Variants in CTBP1 observed in about 807,000 individuals in gnomAD.
CTBP1 encodes C-terminal binding protein 1.
In CTBP1, 11 loss-of-function variants were observed where a neutral mutation model predicts 42.1. The observed-to-expected ratio is 0.26, with a 90% confidence interval of 0.16 to 0.43. The LOEUF is 0.43. Ranked by LOEUF, CTBP1 falls within the 20% of genes least tolerant of loss-of-function variation. The pLI is 1.00. For synonymous variants in CTBP1, 324 were observed against 277.1 expected (o/e 1.17, Z -1.68); for missense variants, 399 against 624.3 (o/e 0.64, Z 3.85).
chr4:1,244,340 G>T, intron 1 of CTBP1: 1 of 960,684 alleles, frequency 1.0e-6, no homozygotes, highest in Non-Finnish European at 1.2e-6. Context: ...CAGCCACAGT[G>T]GGTCTCTGGG....
intron 1 of CTBP1, among the ~76,000 whole-genome samples, chr4:1,247,999 A>C (rs929497239): frequency 2.1e-4 from 32 of 152,202 alleles, no homozygotes; most frequent in Admixed American, 2.1e-3. Flanking sequence ...GCGCCCTTGG[A>C]GGCCGCCAGA....
At chr4:1,225,244 GGACC>G in intron 5 of CTBP1, 112 bp downstream of exon 5, 1 of 1,262,792 alleles carries the variant, frequency 7.9e-7, no homozygotes, top group Non-Finnish European at 1.1e-6. Flanking sequence ...TCCTGGGTTG[GGACC>G]GACACCTGCA....
intron 5 of CTBP1, chr4:1,218,677 G>A (rs1193074760): frequency 6.6e-6 from 1 of 152,202 alleles, no homozygotes; most frequent in African/African-American, 2.4e-5. Context: ...GAGGGTGAGA[G>A]GAGCCACCGC....
At position 1,242,819 on chromosome 4, in the gene CTBP1, AG is replaced by A. The variant is rs1356104122; in HGVS notation, c.-188-1301del. 3.0e-6 allele frequency: 3 copies of A among 985,308 alleles called. No homozygotes were observed. The African/African-American group carries it at 5.2e-5, about 17-fold the overall frequency. 61.0% of individuals were successfully genotyped at this position (985,308 alleles called of 1,614,324 possible). A position where few individuals can be genotyped will look rare whatever the true frequency, so the allele number is the denominator to read the frequency against. ...CATAAAAACAAACTAAAAGGACAGG[AG>A]AAAACCGCCTAAATGTCACATTTCA... On this transcript the variant is annotated intron_variant, in intron 1 of 9. Transcript: ENST00000382952.
chr4:1,228,427 G>C (rs1210445616), intron 3 of CTBP1, 84 bp from the exon 4 acceptor site: 2 of 1,513,606 alleles, frequency 1.3e-6, no homozygotes, highest in Admixed American at 3.9e-5. Context: ...CCCCGGCTGG[G>C]AAATTAGCCT....
At chr4:1,220,685 C>G (rs1353699465) in intron 5 of CTBP1, among the ~76,000 whole-genome samples, 10 of 152,264 alleles carry the variant, frequency 6.6e-5, no homozygotes, top group Admixed American at 6.5e-4. Context: ...AGAGTCCAGA[C>G]GGACCCACTC....
At position 1,211,571 on chromosome 4, in the gene CTBP1, C is replaced by A. The variant is rs926283257; in HGVS notation, c.*669G>T. On this transcript the variant is annotated 3_prime_UTR_variant, in exon 10 of 10. Coordinates refer to ENST00000382952, the MANE Select transcript of CTBP1 (RefSeq NM_001012614.2). ...AGGACGGCACTGGTGCAGGCGGGGA[C>A]GCTGCCACCCTCCACGTCCCCAGGA... 6.6e-6 allele frequency: 1 copy of A among 152,392 alleles called. No individual in the cohort carries two copies. The highest frequency in any genetic ancestry group is 1.5e-5 in the Non-Finnish European group (1 of 68,030). 9.4% of individuals were successfully genotyped at this position (152,392 alleles called of 1,614,324 possible). A position where few individuals can be genotyped will look rare whatever the true frequency, so the allele number is the denominator to read the frequency against.
intron 1 of CTBP1, chr4:1,245,356 C>T: frequency 2.0e-6 from 2 of 985,434 alleles, no homozygotes; most frequent in Non-Finnish European, 2.4e-6. Flanking sequence ...AACCTGTGAG[C>T]TCCAGGAACC....
chr4:1,241,109 C>T (rs1313885254), intron 2 of CTBP1, among the ~76,000 whole-genome samples: 1 of 152,218 alleles, frequency 6.6e-6, no homozygotes, highest in Non-Finnish European at 1.5e-5. Flanking sequence ...ACAGGCCTGA[C>T]CACAGCTGTG....
chr4:1,213,631 T>C, intron 7 of CTBP1, 26 bp from the exon 8 acceptor site: 1 of 1,606,526 alleles, frequency 6.2e-7, no homozygotes. Context: ...GCATGGTCAG[T>C]GCAGCCTGAG....
At chr4:1,221,810 T>C in intron 5 of CTBP1, 1 of 444,504 alleles carries the variant, frequency 2.2e-6, no homozygotes, top group Non-Finnish European at 4.5e-6. Context: ...GTTCATGGGG[T>C]GAATGTGTAC....
intron 5 of CTBP1, chr4:1,223,415 C>T (rs1197463861): frequency 4.4e-6 from 2 of 455,676 alleles, no homozygotes; most frequent in Non-Finnish European, 8.8e-6. Context: ...CAACCTCTCC[C>T]ACTAACCTAG....
At chr4:1,216,582 G>T (rs1729141486) in intron 5 of CTBP1, 2 of 341,824 alleles carry the variant, frequency 5.9e-6, no homozygotes, top group African/African-American at 4.2e-5. Flanking sequence ...AGGCCCCTCC[G>T]CTGGCCTTTC....
At chr4:1,240,081 C>G (rs1732004776) in intron 2 of CTBP1, among the ~76,000 whole-genome samples, 1 of 152,258 alleles carries the variant, frequency 6.6e-6, no homozygotes. Flanking sequence ...AAGGCATGGA[C>G]ACACGGGATC....
intron 3 of CTBP1, among the ~76,000 whole-genome samples, chr4:1,232,571 T>A (rs1577056990): frequency 6.6e-6 from 1 of 152,148 alleles, no homozygotes; most frequent in South Asian, 2.1e-4. Flanking sequence ...CTCAGCCTCC[T>A]AAAGTGCTGG....
At chr4:1,213,861 G>A in intron 7 of CTBP1, 1 of 501,894 alleles carries the variant, frequency 2.0e-6, no homozygotes, top group Admixed American at 3.8e-5. Flanking sequence ...GAGGAGCCCT[G>A]ATGGGGGGAC....
At chr4:1,231,340 G>T (rs1730951055) in intron 3 of CTBP1, among the ~76,000 whole-genome samples, 1 of 152,218 alleles carries the variant, frequency 6.6e-6, no homozygotes, top group South Asian at 2.1e-4. Flanking sequence ...TGTCCCTTTA[G>T]ATCGGGGCCC....
Position 1,238,106 on chromosome 4 carries a change from G to A in CTBP1, c.162+77C>T, listed in dbSNP as rs548361722. 90 of 1,589,812 alleles carry A rather than the reference G, an allele frequency of 5.7e-5. 1 individual carries two copies. The African/African-American group carries it at 6.8e-4, about 12-fold the overall frequency. On this transcript the variant is annotated intron_variant, in intron 3 of 9. Coordinates refer to ENST00000382952, the MANE Select transcript of CTBP1 (RefSeq NM_001012614.2). This position sits in a 1 kb window ranked among gnomAD's most constrained non-coding sequence, Gnocchi z 5.9. ...GTGGCACCCAGACCTGCTGTGGCCC[G>A]GGCCTGCCGTGCTCCCGTCCCTCCA... is the stretch of plus-strand genomic sequence containing the variant.
intron 8 of CTBP1, 126 bp downstream of exon 8, chr4:1,213,352 G>A: frequency 6.8e-7 from 1 of 1,461,526 alleles, no homozygotes; most frequent in Non-Finnish European, 9.3e-7. Flanking sequence ...TGGGGGTGCA[G>A]TGAGAGCACC....
Sources: allele counts gnomAD v4.1 joint callset (sites outside exome capture counted in the v4.1 genomes callset), GRCh38; gene constraint gnomAD v4.1.1; non-coding constraint Gnocchi (gnomAD v3.1); transcripts MANE v1.5; gene names NCBI Gene and HGNC (gene_info 2026-07-23, HGNC 2026-07-21).